The following MYT1 variants were observed in gnomAD, a reference collection of about 807,000 sequenced individuals.
MYT1 encodes the protein myelin transcription factor I.
In MYT1, 23 loss-of-function variants were observed where a neutral mutation model predicts 123.0. That is an observed-to-expected ratio of 0.19 (90% CI 0.13 to 0.26). The LOEUF (loss-of-function observed/expected upper bound fraction) is 0.26. MYT1 is among the 10% of genes least tolerant of loss of function. The pLI is 1.00. For synonymous variants in MYT1, 518 were observed against 575.3 expected (o/e 0.90, Z 1.43); for missense variants, 1,125 against 1,472.5 (o/e 0.76, Z 3.86).
chr20:64,199,896 C>T lies in MYT1; in HGVS notation c.60C>T (p.Pro20=), dbSNP rs757279813. 1 of 1,614,052 alleles carries T rather than the reference C, an allele frequency of 6.2e-7. No homozygotes were observed. Residue 20 remains proline (P), a synonymous_variant, in exon 4 of 23, where the codon CCC becomes CCT. Transcript: ENST00000328439. ...ARTRSKALRG[P]PETTAADLSC... ...CTGTTTCTGTCTTTTTCCCAGGACC[C>T]CCAGAGACCACAGCTGCAGACCTCA...
rs913293075 is a variant in MYT1 at position 64,196,999 on chromosome 20, G to A, written c.1-1863G>A. ...CATTGCACACGGGCTCAGAGCAGAC[G>A]ACATTTGAAGGCTCATAAATGTAAT... On this transcript the variant is annotated intron_variant, in intron 2 of 22. Coordinates refer to ENST00000328439, the MANE Select transcript of MYT1 (RefSeq NM_004535.3). The surrounding 1 kb of genome is among the most constrained non-coding windows in gnomAD (Gnocchi z 4.3). Among the ~76,000 whole-genome samples the A allele has an allele frequency of 2.0e-5, 3 of 152,230 alleles. No homozygotes were observed. The highest frequency in any genetic ancestry group is 2.4e-5 in the African/African-American group (1 of 41,464).
At chr20:64,200,621 G>C (rs1357476958) in intron 4 of MYT1, among the ~76,000 whole-genome samples, 6 of 152,178 alleles carry the variant, frequency 3.9e-5, no homozygotes, top group Non-Finnish European at 5.9e-5. Context: ...GGAGGGAGTT[G>C]GGGTGCTGCA....
intron 15 of MYT1, 45 bp downstream of exon 15, chr20:64,223,218 G>C (rs776051939): frequency 6.2e-7 from 1 of 1,613,616 alleles, no homozygotes; most frequent in African/African-American, 1.3e-5. Flanking sequence ...GCTTCGTGGT[G>C]GGTCTTCCTC....
rs529341180 is a variant in MYT1 at position 64,165,665 on chromosome 20, T to C, written c.-99+926T>C. On this transcript the variant is annotated intron_variant, in intron 1 of 22. Transcript: ENST00000328439. ...CAGTGGACACCATTGGCTGGTAAAG[T>C]TGGGTGTTTAATTTTGGAAACCAAA... Among the ~76,000 whole-genome samples, 12 of 152,132 alleles carry C rather than the reference T, an allele frequency of 7.9e-5. No homozygotes were observed. The East Asian group carries it at 2.1e-3, about 27-fold the overall frequency.
chr20:64,200,980 G>A (rs1327129527), intron 4 of MYT1, among the ~76,000 whole-genome samples: 1 of 152,228 alleles, frequency 6.6e-6, no homozygotes, highest in East Asian at 1.9e-4. Flanking sequence ...GCCTGCTGAA[G>A]AAGCGGTGAT....
At chr20:64,221,383 G>C (rs896832516) in intron 13 of MYT1, among the ~76,000 whole-genome samples, 28 of 152,222 alleles carry the variant, frequency 1.8e-4, no homozygotes, top group African/African-American at 6.5e-4. Context: ...TCAAGCACCT[G>C]CTGTGGTCAA....
rs1370147676 is a variant in MYT1 at position 64,196,776 on chromosome 20, A to G, written c.1-2086A>G. Reference sequence around the variant, plus strand: ...GCAGTGCCCATTACACATCCCTGCAACCCTCTCTATTCTCTGCTCTTTGAA... The same window carrying G: ...GCAGTGCCCATTACACATCCCTGCAGCCCTCTCTATTCTCTGCTCTTTGAA... On this transcript the variant is annotated intron_variant, in intron 2 of 22. Coordinates refer to ENST00000328439, the MANE Select transcript of MYT1 (RefSeq NM_004535.3). This position sits in a 1 kb window ranked among gnomAD's most constrained non-coding sequence, Gnocchi z 4.3. Among the ~76,000 whole-genome samples the G allele has an allele frequency of 6.6e-6, 1 of 152,180 alleles. No homozygotes were observed. The highest frequency in any genetic ancestry group is 1.5e-5 in the Non-Finnish European group (1 of 68,044).
Position 64,218,400 on chromosome 20 carries a change from G to T in MYT1, c.1847-511G>T, listed in dbSNP as rs958331887. Among the ~76,000 whole-genome samples, 1 of 152,174 alleles carries T rather than the reference G, an allele frequency of 6.6e-6. No individual in the cohort carries two copies. Among genetic ancestry groups the T allele is most frequent in the African/African-American group, 2.4e-5 (1 of 41,436 alleles). On this transcript the variant is annotated intron_variant, in intron 11 of 22. Coordinates refer to ENST00000328439, the MANE Select transcript of MYT1 (RefSeq NM_004535.3). This position sits in a 1 kb window ranked among gnomAD's most constrained non-coding sequence, Gnocchi z 4.0. ...ATGTTACTTTTTTAAGGCAGTGATG[G>T]TTACCGGGGACACCAAGTCAGCCTA...
chr20:64,179,920 T>G (rs1156900667), intron 1 of MYT1, among the ~76,000 whole-genome samples: 1 of 135,670 alleles, frequency 7.4e-6, no homozygotes, highest in Non-Finnish European at 1.5e-5. Flanking sequence ...CTCTATACAG[T>G]TATACACACA....
At position 64,203,829 on chromosome 20, in the gene MYT1, C is replaced by A. The variant is rs775043068; in HGVS notation, c.87-1206C>A. On this transcript the variant is annotated intron_variant, in intron 4 of 22. Transcript: ENST00000328439. The surrounding 1 kb of genome is among the most constrained non-coding windows in gnomAD (Gnocchi z 5.1). ...GTGTCTGGATAGAGACTGGGGATGGCGTTCTTTTCCCCGGGTCCCAGGTAT... is the reference window on the plus strand; with the variant it reads ...GTGTCTGGATAGAGACTGGGGATGGAGTTCTTTTCCCCGGGTCCCAGGTAT... Among the ~76,000 whole-genome samples the A allele has an allele frequency of 2.6e-5, 4 of 152,236 alleles. No homozygotes were observed.
rs1405816394 is a variant in MYT1 at position 64,168,991 on chromosome 20, G to T, written c.-99+4252G>T. On this transcript the variant is annotated intron_variant, in intron 1 of 22. Coordinates refer to ENST00000328439, the MANE Select transcript of MYT1 (RefSeq NM_004535.3). The surrounding 1 kb of genome is among the most constrained non-coding windows in gnomAD (Gnocchi z 6.1). ...GTTCAACACTGGTCTGAGGGCTGGGGCAGAAGCCATCTGGGTCCTCTTCTT... is the reference window on the plus strand; with the variant it reads ...GTTCAACACTGGTCTGAGGGCTGGGTCAGAAGCCATCTGGGTCCTCTTCTT... 1.3e-5 allele frequency among the ~76,000 whole-genome samples: 2 copies of T among 152,236 alleles called. No individual in the cohort carries two copies. Among genetic ancestry groups the T allele is most frequent in the Non-Finnish European group, 2.9e-5 (2 of 68,048 alleles).
intron 1 of MYT1, among the ~76,000 whole-genome samples, chr20:64,180,687 C>T (rs1446729939): frequency 6.6e-6 from 1 of 152,254 alleles, no homozygotes; most frequent in Non-Finnish European, 1.5e-5. Context: ...TGATTGGCCT[C>T]CCTGTGGCTC....
At chr20:64,226,339 G>A (rs373433187) in intron 16 of MYT1, among the ~76,000 whole-genome samples, 8 of 152,220 alleles carry the variant, frequency 5.3e-5, no homozygotes, top group East Asian at 3.8e-4. Flanking sequence ...GGCTGTGCCC[G>A]GCTTCATCTT....
At chr20:64,238,156 C>A (rs1984607997) in intron 21 of MYT1, among the ~76,000 whole-genome samples, 2 of 151,790 alleles carry the variant, frequency 1.3e-5, no homozygotes, top group Non-Finnish European at 2.9e-5. Context: ...TAAGAGCATG[C>A]CCCACCTGTG....
At chr20:64,199,098 G>T (rs1983213672) in intron 3 of MYT1, among the ~76,000 whole-genome samples, 182 bp downstream of exon 3, 2 of 152,216 alleles carry the variant, frequency 1.3e-5, no homozygotes, top group Admixed American at 1.3e-4. Context: ...GGCTGCTGAG[G>T]GGCCTTTGGC....
intron 1 of MYT1, among the ~76,000 whole-genome samples, chr20:64,170,893 A>AAT (rs1982250331): frequency 1.6e-5 from 1 of 60,658 alleles, no homozygotes; most frequent in African/African-American, 7.7e-5. Context: ...ATAGAGAGAG[A>AAT]GAGAGAGAGA....
rs1043157895 is a variant in MYT1 at position 64,227,745 on chromosome 20, C to T, written c.2592-143C>T. On this transcript the variant is annotated intron_variant, in intron 17 of 22. Transcript: ENST00000328439. ...AAGGCTGTGTCTGTGGATTCTGCTT[C>T]TTACAACTGACCCATCGGTTGCCCT... The T allele has an allele frequency of 7.6e-6, 6 of 793,726 alleles. No individual in the cohort carries two copies. The Admixed American group carries it at 8.6e-5, about 11-fold the overall frequency. The allele number at this position is 793,726 out of a possible 1,614,324, so 49.2% of individuals were successfully genotyped here. A position where few individuals can be genotyped will look rare whatever the true frequency, so the allele number is the denominator to read the frequency against.
chr20:64,172,737 C>A lies in MYT1; in HGVS notation c.-99+7998C>A, dbSNP rs540272333. Reference sequence around the variant, plus strand: ...CCCAGTGCTGCTGGCTCTGGCCATACCCTCTTTTTTTTTTTTTTTTTTTTT... The same window carrying A: ...CCCAGTGCTGCTGGCTCTGGCCATAACCTCTTTTTTTTTTTTTTTTTTTTT... On this transcript the variant is annotated intron_variant, in intron 1 of 22. Coordinates refer to ENST00000328439, the MANE Select transcript of MYT1 (RefSeq NM_004535.3). Among the ~76,000 whole-genome samples the A allele has an allele frequency of 1.7e-3, 232 of 134,330 alleles. 2 individuals carry two copies. In the East Asian group the frequency reaches 0.029, roughly 17 times the overall value. 88.1% of individuals were successfully genotyped at this position (134,330 alleles called of 152,430 possible). A position where few individuals can be genotyped will look rare whatever the true frequency, so the allele number is the denominator to read the frequency against.
chr20:64,216,341 GTGCCTTCTA>G (rs1424712084), intron 10 of MYT1, among the ~76,000 whole-genome samples: 31 of 152,362 alleles, frequency 2.0e-4, no homozygotes, highest in African/African-American at 7.0e-4. Flanking sequence ...TCCTGCCCCT[GTGCCTTCTA>G]TGCCAGTTTC....
Sources: allele counts gnomAD v4.1 joint callset (sites outside exome capture counted in the v4.1 genomes callset), GRCh38; gene constraint gnomAD v4.1.1; non-coding constraint Gnocchi (gnomAD v3.1); transcripts MANE v1.5; gene names NCBI Gene and HGNC (gene_info 2026-07-23, HGNC 2026-07-21).